Variants in ECPAS observed in about 807,000 individuals in gnomAD.
The protein encoded by ECPAS is proteasome adapter and scaffold protein ECM29.
A neutral mutation model predicts 255.1 loss-of-function variants in ECPAS; 70 were observed. The observed-to-expected ratio is 0.27, with a 90% CI of 0.23 to 0.33. The LOEUF is 0.33. ECPAS is among the 10% of genes least tolerant of loss of function. The pLI is 1.00. For synonymous variants in ECPAS, 784 were observed against 775.0 expected (o/e 1.01, Z -0.19); for missense variants, 1,817 against 2,206.4 (o/e 0.82, Z 3.54).
chr9:111,437,905 T>C (rs1589197755), intron 6 of ECPAS, among the ~76,000 whole-genome samples: 1 of 152,182 alleles, frequency 6.6e-6, no homozygotes, highest in Non-Finnish European at 1.5e-5. Context: ...ACTAAAGATC[T>C]ATGATGATAA....
At chr9:111,409,614 T>C (rs1025434853) in intron 23 of ECPAS, among the ~76,000 whole-genome samples, 13 of 152,076 alleles carry the variant, frequency 8.5e-5, no homozygotes, top group African/African-American at 3.1e-4. Flanking sequence ...TAAACTGATA[T>C]TTCTGCTCAT....
intron 3 of ECPAS, among the ~76,000 whole-genome samples, chr9:111,450,947 A>C (rs1215626501): frequency 1.3e-5 from 2 of 152,156 alleles, no homozygotes; most frequent in Non-Finnish European, 2.9e-5. Context: ...AAGAAAGAAA[A>C]TGAAAATCTG....
intron 6 of ECPAS, 67 bp downstream of exon 6, chr9:111,440,304 TA>T (rs1192290208): frequency 5.7e-6 from 8 of 1,394,968 alleles, no homozygotes; most frequent in Non-Finnish European, 7.8e-6. Context: ...TTTAATCATT[TA>T]AAATAGTACT....
chr9:111,397,990 A>T (rs553612111), intron 24 of ECPAS, among the ~76,000 whole-genome samples: 32 of 152,352 alleles, frequency 2.1e-4, no homozygotes, highest in African/African-American at 7.7e-4. Flanking sequence ...TCACTGACCC[A>T]ACATGTAACT....
intron 3 of ECPAS, among the ~76,000 whole-genome samples, chr9:111,449,616 A>G (rs2098257651): frequency 6.6e-6 from 1 of 152,070 alleles, no homozygotes; most frequent in Admixed American, 6.6e-5. Flanking sequence ...CAAAGAAACA[A>G]AAAAAAATCT....
chr9:111,387,652 A>G (rs940114515), intron 31 of ECPAS, among the ~76,000 whole-genome samples: 1 of 146,724 alleles, frequency 6.8e-6, no homozygotes, highest in Non-Finnish European at 1.5e-5. Flanking sequence ...CTCACTCATC[A>G]TCAGTGCAGT....
At chr9:111,417,784 T>G in intron 17 of ECPAS, 99 bp downstream of exon 17, 1 of 1,139,954 alleles carries the variant, frequency 8.8e-7, no homozygotes, top group Non-Finnish European at 1.2e-6. Context: ...AGAAATTTTA[T>G]GAGTCAACAT....
At chr9:111,408,474 T>G (rs2098188650) in intron 24 of ECPAS, 97 bp downstream of exon 24, 1 of 680,636 alleles carries the variant, frequency 1.5e-6, no homozygotes, top group East Asian at 2.8e-5. Flanking sequence ...AAATGCTTAA[T>G]TAAAAATCTC....
intron 45 of ECPAS, among the ~76,000 whole-genome samples, chr9:111,369,838 A>G (rs1252727388): frequency 6.6e-6 from 1 of 152,156 alleles, no homozygotes; most frequent in Non-Finnish European, 1.5e-5. Flanking sequence ...ACTATATGGC[A>G]GAGGCAATTC....
intron 1 of ECPAS, among the ~76,000 whole-genome samples, chr9:111,476,226 C>CTCT (rs2098296086): frequency 6.6e-6 from 1 of 152,138 alleles, no homozygotes; most frequent in African/African-American, 2.4e-5. Flanking sequence ...ATTATAAAGC[C>CTCT]CAGAATACGA....
intron 42 of ECPAS, 136 bp downstream of exon 42, chr9:111,372,292 TG>T: frequency 1.2e-6 from 1 of 806,480 alleles, no homozygotes; most frequent in Non-Finnish European, 2.0e-6. Flanking sequence ...GCAATTTGGA[TG>T]GGTTTAAAAC....
At chr9:111,411,278 T>G in intron 21 of ECPAS, 136 bp from the exon 22 acceptor site, 1 of 875,134 alleles carries the variant, frequency 1.1e-6, no homozygotes, top group Non-Finnish European at 1.8e-6. Flanking sequence ...ACACTCGAGG[T>G]TTCACTGGAT....
chr9:111,483,772 C>G (rs2132157343), intron 1 of ECPAS: 1 of 176,020 alleles, frequency 5.7e-6, no homozygotes, highest in East Asian at 1.9e-4. Context: ...CCTCGCGCCT[C>G]TGCGGAGCCG....
Position 111,484,182 on chromosome 9 carries a change from C to A in ECPAS, c.-149G>T. The A allele has an allele frequency of 6.7e-7, 1 of 1,484,260 alleles. No individual in the cohort carries two copies. Among genetic ancestry groups the A allele is most frequent in the Non-Finnish European group, 8.9e-7 (1 of 1,119,758 alleles). 91.9% of individuals were successfully genotyped at this position (1,484,260 alleles called of 1,614,324 possible). A position where few individuals can be genotyped will look rare whatever the true frequency, so the allele number is the denominator to read the frequency against. ...GCGCCGCGAGGTGAGGGCTGTAGAG[C>A]GAGGCGTTCGGCGGGCCGGGCCCCG... is the stretch of plus-strand genomic sequence containing the variant. On this transcript the variant is annotated 5_prime_UTR_variant, in exon 1 of 50. Transcript: ENST00000684092.
chr9:111,366,327 C>T lies in ECPAS; in HGVS notation c.5220G>A (p.Gly1740=). The change falls in exon 48 of 50, where the codon GGG becomes GGA. Residue 1740 remains glycine, a splice_region_variant and synonymous_variant. Transcript: ENST00000684092. ...VLQSMNAFFQ[G]LMLLEEEHAD... is the part of the protein sequence containing the mutation. ...CATGTTCTTCTTCCAAAAGCATTAA[C>T]CTATACAAATCAGAAAGCAAGGTAC... 6.4e-7 allele frequency: 1 copy of T among 1,566,780 alleles called. No homozygotes were observed. The highest frequency in any genetic ancestry group is 8.7e-7 in the Non-Finnish European group (1 of 1,154,024).
chr9:111,421,127 A>G (rs1818293383), intron 15 of ECPAS, among the ~76,000 whole-genome samples: 1 of 152,196 alleles, frequency 6.6e-6, no homozygotes, highest in African/African-American at 2.4e-5. Flanking sequence ...TGCACTGCAC[A>G]CTAAGAGCAC....
Position 111,373,239 on chromosome 9 carries a change from GA to G in ECPAS, c.4270-4del. On this transcript the variant is annotated splice_polypyrimidine_tract_variant and splice_region_variant and intron_variant, in intron 40 of 49. Coordinates refer to ENST00000684092, the MANE Select transcript of ECPAS (RefSeq NM_001364929.1). ...TCAGTGCTGCTATCCCGTGAGGTCT[GA>G]AAAAGAAACAATCCTAAGTATTTCT... 1 of 1,613,652 alleles carries G rather than the reference GA, an allele frequency of 6.2e-7. No homozygotes were observed. Among genetic ancestry groups the G allele is most frequent in the Non-Finnish European group, 8.5e-7 (1 of 1,179,644 alleles).
chr9:111,408,373 G>C (rs533882987), intron 24 of ECPAS, among the ~76,000 whole-genome samples, 198 bp downstream of exon 24: 1 of 152,210 alleles, frequency 6.6e-6, no homozygotes, highest in South Asian at 2.1e-4. Flanking sequence ...TTAAGAAAAG[G>C]TCTTTCCCTC....
At chr9:111,446,500 C>T (rs1175941781) in intron 3 of ECPAS, among the ~76,000 whole-genome samples, 1 of 151,824 alleles carries the variant, frequency 6.6e-6, no homozygotes, top group African/African-American at 2.4e-5. Flanking sequence ...ATGTTTGACA[C>T]CGACAGCAAA....
Sources: gnomAD v4.1 joint callset for allele counts (sites outside exome capture counted in the v4.1 genomes callset) on GRCh38, gnomAD v4.1.1 for gene constraint, MANE v1.5 for transcripts, NCBI Gene and HGNC (gene_info 2026-07-23, HGNC 2026-07-21) for gene names.